The following FRAS1 variants were observed in gnomAD, a reference collection of about 807,000 sequenced individuals.
FRAS1 encodes the protein extracellular matrix organizing protein FRAS1.
FRAS1 carries 290 observed loss-of-function variants against 435.2 expected under a neutral mutation model. The ratio of observed to expected loss-of-function variants is 0.67; its 90% CI spans 0.61 to 0.73. The LOEUF is 0.73. Among genes scored for constraint, FRAS1 ranks in the 30% least tolerant of loss-of-function variants. The pLI is 0.00. For synonymous variants in FRAS1, 1,800 were observed against 1,851.0 expected, an observed-to-expected ratio of 0.97 and a Z score of 0.71; for missense variants, 4,860 against 5,001.5, an observed-to-expected ratio of 0.97 and a Z score of 0.85.
At position 78,527,118 on chromosome 4, in the gene FRAS1, A is replaced by C. The variant is rs541938615; in HGVS notation, c.10925+461A>C. ...ACAGAAACAGACATAAAACAAGGTT[A>C]TATGTTAATTGGTTGATATAAATGT... On this transcript the variant is annotated intron_variant, in intron 70 of 73. Coordinates refer to ENST00000512123, the MANE Select transcript of FRAS1 (RefSeq NM_025074.7). Among the ~76,000 whole-genome samples the C allele has an allele frequency of 3.9e-4, 59 of 152,326 alleles. 2 individuals carry two copies. The East Asian group carries it at 4.4e-3, about 11-fold the overall frequency.
intron 2 of FRAS1, among the ~76,000 whole-genome samples, chr4:78,173,279 A>G (rs1721632877): frequency 6.6e-6 from 1 of 152,116 alleles, no homozygotes; most frequent in Admixed American, 6.5e-5. Flanking sequence ...CCCAGCAGAT[A>G]CCTTTGTCCC....
At chr4:78,243,110 G>T (rs1249129198) in intron 3 of FRAS1, among the ~76,000 whole-genome samples, 1 of 152,122 alleles carries the variant, frequency 6.6e-6, no homozygotes, top group Non-Finnish European at 1.5e-5. Context: ...GCATTACGTG[G>T]TAAGGTTTTG....
At chr4:78,392,974 TC>T (rs1431229152) in intron 29 of FRAS1, among the ~76,000 whole-genome samples, 1 of 151,172 alleles carries the variant, frequency 6.6e-6, no homozygotes. Flanking sequence ...ACAAACATGT[TC>T]ATCATGATGA....
chr4:78,237,727 G>C (rs1724824502), intron 3 of FRAS1, 110 bp downstream of exon 3: 2 of 484,440 alleles, frequency 4.1e-6, no homozygotes, highest in African/African-American at 3.9e-5. Context: ...CTCTACCTGG[G>C]AGCTTAATGA....
At chr4:78,262,764 C>A (rs1241246917) in intron 6 of FRAS1, among the ~76,000 whole-genome samples, 1 of 152,066 alleles carries the variant, frequency 6.6e-6, no homozygotes, top group African/African-American at 2.4e-5. Flanking sequence ...ATAGTCCTAC[C>A]CCAAATTGTA....
chr4:78,418,649 A>G (rs1733641587), intron 32 of FRAS1, among the ~76,000 whole-genome samples: 1 of 152,200 alleles, frequency 6.6e-6, no homozygotes, highest in Non-Finnish European at 1.5e-5. Context: ...TGTTCCACCT[A>G]GGAAAAAAGT....
intron 1 of FRAS1, among the ~76,000 whole-genome samples, chr4:78,064,080 A>G (rs935995996): frequency 6.6e-6 from 1 of 151,882 alleles, no homozygotes; most frequent in Non-Finnish European, 1.5e-5. Flanking sequence ...TTCTTATAAC[A>G]TACCATAGAC....
intron 70 of FRAS1, among the ~76,000 whole-genome samples, chr4:78,527,523 A>G (rs1051874248): frequency 1.3e-5 from 2 of 152,302 alleles, no homozygotes; most frequent in South Asian, 4.1e-4. Context: ...AATGCCCAAG[A>G]CAGAATCTGA....
rs76831011 is a variant in FRAS1, at chr4:78,066,026, T to G, written c.108+10T>G. On this transcript the variant is annotated intron_variant, in intron 2 of 73. Transcript: ENST00000512123. ...GGATTCCTTGTTGGCGGTAGGTCAT[T>G]CTTTACATACTTGGTTTCTGTCATT... 2.5e-4 allele frequency: 398 copies of G among 1,592,140 alleles called. No homozygotes were observed. In the African/African-American group the frequency reaches 4.7e-3, roughly 19 times the overall value.
intron 2 of FRAS1, among the ~76,000 whole-genome samples, chr4:78,160,562 G>T (rs564867817): frequency 6.6e-6 from 1 of 152,102 alleles, no homozygotes; most frequent in Non-Finnish European, 1.5e-5. Context: ...AGTACAGGCT[G>T]CTTTGTTTAT....
rs182485193 is a variant in FRAS1, at chr4:78,238,284, A to G, written c.216+667A>G. On this transcript the variant is annotated intron_variant, in intron 3 of 73. Transcript: ENST00000512123. ...ATTTTCAGTTTTCTTCTGACTACAC[A>G]TCTATTCTGTTAGAATAATACTTTT... Among the ~76,000 whole-genome samples the G allele has an allele frequency of 4.8e-5, 7 of 144,992 alleles. No individual in the cohort carries two copies. In the East Asian group the frequency reaches 1.0e-3, roughly 21 times the overall value.
chr4:78,418,262 C>A (rs1361654984), intron 32 of FRAS1, among the ~76,000 whole-genome samples: 1 of 152,174 alleles, frequency 6.6e-6, no homozygotes, highest in African/African-American at 2.4e-5. Context: ...CTTTAATAAA[C>A]AAATACCTCT....
intron 20 of FRAS1, among the ~76,000 whole-genome samples, chr4:78,341,342 C>T (rs1415721274): frequency 2.0e-5 from 3 of 152,180 alleles, no homozygotes; most frequent in Non-Finnish European, 2.9e-5. Context: ...GGCCTTGGTA[C>T]ACCCGTGGGG....
chr4:78,479,469 A>G lies in FRAS1; in HGVS notation c.8194A>G (p.Lys2732Glu). ...LYALESGSDF[K>E]SRGMSAASRV... ...TGCTCTAGAATCAGGCTCTGATTTT[A>G]AATCTAGAGGGATGTCTGCCGCGAG... The change falls in exon 56 of 74, where the codon AAA (lysine) becomes GAA (glutamate). Residue 2732 changes from lysine to glutamate, a missense_variant. Lys to Glu is a moderately conservative substitution (Grantham distance 56, BLOSUM62 1). Transcript: ENST00000512123. 6.2e-7 allele frequency: 1 copy of G among 1,609,036 alleles called. No homozygotes were observed. The highest frequency in any genetic ancestry group is 2.2e-5 in the East Asian group (1 of 44,790).
In FRAS1 at chr4:78,522,653, G is replaced by C; in HGVS notation, c.10653G>C (p.Gln3551His). ...ATGTGTTTCCCCTTCAAATAGGACA[G>C]TTTGTGATGGAGCATCACACTCTCC... ...EFKTHAKFRG[Q>H]FVMEHHTLPE... is the part of the protein sequence containing the mutation. The change falls in exon 69 of 74, where the codon CAG becomes CAC. Residue 3551 changes from glutamine (Q) to histidine (H), a missense_variant. Transcript: ENST00000512123. The C allele has an allele frequency of 6.2e-7, 1 of 1,600,580 alleles. No homozygotes were observed. Among genetic ancestry groups the C allele is most frequent in the Middle Eastern group, 1.7e-4 (1 of 6,042 alleles).
At chr4:78,524,916 C>G (rs1721486762) in intron 69 of FRAS1, among the ~76,000 whole-genome samples, 1 of 152,068 alleles carries the variant, frequency 6.6e-6, no homozygotes, top group Non-Finnish European at 1.5e-5. Context: ...CCCAGTAGAC[C>G]TTATCTGAGC....
intron 41 of FRAS1, among the ~76,000 whole-genome samples, chr4:78,443,045 G>C (rs963656534): frequency 6.6e-6 from 1 of 152,176 alleles, no homozygotes; most frequent in Non-Finnish European, 1.5e-5. Flanking sequence ...AGCTGAGTGT[G>C]ACTTATGTAT....
chr4:78,261,238 T>C (rs1726086373), intron 6 of FRAS1, among the ~76,000 whole-genome samples: 1 of 152,168 alleles, frequency 6.6e-6, no homozygotes, highest in Non-Finnish European at 1.5e-5. Flanking sequence ...TCCTGTTGAT[T>C]TTTTATTGCT....
At chr4:78,330,677 A>G (rs1165896794) in intron 18 of FRAS1, among the ~76,000 whole-genome samples, 2 of 152,224 alleles carry the variant, frequency 1.3e-5, no homozygotes, top group Non-Finnish European at 2.9e-5. Context: ...TAGCACTCCC[A>G]GGCTTATTAG....
Sources: gnomAD v4.1 joint callset for allele counts (sites outside exome capture counted in the v4.1 genomes callset) on GRCh38, gnomAD v4.1.1 for gene constraint, MANE v1.5 for transcripts, NCBI Gene and HGNC (gene_info 2026-07-23, HGNC 2026-07-21) for gene names.